CTIF: variants seen among roughly 807,000 people sequenced by gnomAD.
The protein encoded by CTIF is CBP80/20-dependent translation initiation factor.
In CTIF, 21 loss-of-function variants were observed where a neutral mutation model predicts 66.0. The ratio of observed to expected loss-of-function variants is 0.32; its 90% CI spans 0.23 to 0.46. The LOEUF (loss-of-function observed/expected upper bound fraction) is 0.46, where lower values mean the gene tolerates loss of function less well. CTIF is among the 20% of genes least tolerant of loss of function. The pLI, the probability that CTIF is intolerant of heterozygous loss-of-function variation, is 1.00. For synonymous variants in CTIF, 345 were observed against 326.4 expected (o/e 1.06, Z -0.62); for missense variants, 739 against 812.7 (o/e 0.91, Z 1.10).
At chr18:48,695,010 G>C (rs1434503339) in intron 6 of CTIF, among the ~76,000 whole-genome samples, 1 of 152,178 alleles carries the variant, frequency 6.6e-6, no homozygotes, top group African/African-American at 2.4e-5. Context: ...AGTTCCTCAT[G>C]CTTTTTAAAT....
chr18:48,681,625 C>T (rs563001253), intron 6 of CTIF, among the ~76,000 whole-genome samples: 2 of 152,226 alleles, frequency 1.3e-5, no homozygotes, highest in Non-Finnish European at 2.9e-5. Flanking sequence ...CCAGGGCCTG[C>T]TGGCACCCCC....
intron 10 of CTIF, among the ~76,000 whole-genome samples, chr18:48,850,424 A>T (rs1304173062): frequency 6.6e-6 from 1 of 152,164 alleles, no homozygotes; most frequent in Non-Finnish European, 1.5e-5. Context: ...AACATACATA[A>T]ATGAGAGAGC....
At chr18:48,782,314 G>A (rs574904212) in intron 9 of CTIF, among the ~76,000 whole-genome samples, 1 of 152,218 alleles carries the variant, frequency 6.6e-6, no homozygotes, top group South Asian at 2.1e-4. Context: ...AAGCTCCAGG[G>A]CCCCTGCCTG....
chr18:48,662,607 C>G (rs2091365319), intron 3 of CTIF: 1 of 151,284 alleles, frequency 6.6e-6, no homozygotes, highest in African/African-American at 2.4e-5. Flanking sequence ...GACTGTCCAG[C>G]CTTCCCGGTT....
chr18:48,655,667 G>T (rs895808500), intron 3 of CTIF, among the ~76,000 whole-genome samples: 1 of 152,150 alleles, frequency 6.6e-6, no homozygotes, highest in African/African-American at 2.4e-5. Context: ...GTATCAGGGG[G>T]TTTCCATTCA....
intron 6 of CTIF, among the ~76,000 whole-genome samples, chr18:48,691,873 CTGCCATT>C (rs1416171352): frequency 6.6e-6 from 1 of 152,144 alleles, no homozygotes; most frequent in Non-Finnish European, 1.5e-5. Flanking sequence ...TCCTATTTAC[CTGCCATT>C]TTATCCTTTT....
At chr18:48,705,438 A>G (rs954663702) in intron 6 of CTIF, among the ~76,000 whole-genome samples, 5 of 152,198 alleles carry the variant, frequency 3.3e-5, no homozygotes, top group African/African-American at 1.2e-4. Flanking sequence ...GCCCAACTAA[A>G]TCCCACAGGA....
At chr18:48,774,466 C>T (rs920691605) in intron 9 of CTIF, among the ~76,000 whole-genome samples, 2 of 152,192 alleles carry the variant, frequency 1.3e-5, no homozygotes, top group African/African-American at 2.4e-5. Context: ...GGAAAAACAG[C>T]GGCCTCTTTG....
rs576228335 is a variant in CTIF at position 48,775,862 on chromosome 18, C to T, written c.1371+14173C>T. ...GGGGAAGGAGGTACCGCCAGCCTGG[C>T]GGAGGGTGTCAATCAGCAAGCCCAG... On this transcript the variant is annotated intron_variant, in intron 9 of 11. Transcript: ENST00000256413. Among the ~76,000 whole-genome samples the T allele has an allele frequency of 9.8e-5, 15 of 152,292 alleles. No homozygotes were observed. The South Asian group carries it at 1.0e-3, about 11-fold the overall frequency.
intron 7 of CTIF, among the ~76,000 whole-genome samples, chr18:48,715,819 T>C (rs978087347): frequency 6.6e-6 from 1 of 152,200 alleles, no homozygotes; most frequent in African/African-American, 2.4e-5. Context: ...GGAAGTGGTA[T>C]CAGCAGAGAG....
intron 6 of CTIF, chr18:48,692,475 CTT>C (rs1385077028): frequency 1.3e-5 from 2 of 152,116 alleles, no homozygotes; most frequent in Non-Finnish European, 2.9e-5. Flanking sequence ...ACTTCCCCCT[CTT>C]TGTAAGAAGT....
At chr18:48,638,013 C>T (rs1432797687) in intron 3 of CTIF, among the ~76,000 whole-genome samples, 4 of 152,076 alleles carry the variant, frequency 2.6e-5, no homozygotes, top group African/African-American at 7.2e-5. Context: ...CCTCCCCATA[C>T]GGCACTGCTA....
At chr18:48,649,466 G>C (rs12051938) in intron 3 of CTIF, among the ~76,000 whole-genome samples, 4 of 152,256 alleles carry the variant, frequency 2.6e-5, no homozygotes, top group African/African-American at 9.6e-5. Flanking sequence ...GAACTGGGCA[G>C]AGCCAACCAT....
chr18:48,812,144 A>T (rs750707788), intron 9 of CTIF, among the ~76,000 whole-genome samples: 41 of 152,172 alleles, frequency 2.7e-4, no homozygotes, highest in Admixed American at 2.0e-3. Context: ...TTATATTTTT[A>T]GTAGAGGCGG....
intron 6 of CTIF, among the ~76,000 whole-genome samples, chr18:48,695,234 T>C (rs536702703): frequency 2.0e-5 from 3 of 152,242 alleles, no homozygotes; most frequent in Admixed American, 6.5e-5. Flanking sequence ...CCCACCACAA[T>C]TGGGGCTAAC....
chr18:48,630,265 C>T (rs886385347), intron 2 of CTIF, among the ~76,000 whole-genome samples: 2 of 150,182 alleles, frequency 1.3e-5, no homozygotes, highest in African/African-American at 4.8e-5. Context: ...CAGGCATCCA[C>T]TAGGGAATCT....
intron 1 of CTIF, among the ~76,000 whole-genome samples, chr18:48,569,174 T>C (rs2089353842): frequency 2.0e-5 from 3 of 152,246 alleles, no homozygotes; most frequent in African/African-American, 4.8e-5. Context: ...GATGCAGTCA[T>C]GTTCTGAAGT....
chr18:48,862,969 T>G lies in CTIF; in HGVS notation c.*3410T>G, dbSNP rs2069510399. 1 of 152,218 alleles carries G rather than the reference T, an allele frequency of 6.6e-6. No individual in the cohort carries two copies. The highest frequency in any genetic ancestry group is 1.5e-5 in the Non-Finnish European group (1 of 68,082). The allele number at this position is 152,218 out of a possible 1,614,324, so 9.4% of individuals were successfully genotyped here. A position where few individuals can be genotyped will look rare whatever the true frequency, so the allele number is the denominator to read the frequency against. ...TTGGCTGGGCCTTTGAGGACACAGA[T>G]CAGAAGAAAGAAAGACAACTTTCCT... On this transcript the variant is annotated 3_prime_UTR_variant, in exon 12 of 12. Coordinates refer to ENST00000256413, the MANE Select transcript of CTIF (RefSeq NM_014772.3).
chr18:48,686,200 A>G (rs746360983), intron 6 of CTIF, among the ~76,000 whole-genome samples: 4 of 151,346 alleles, frequency 2.6e-5, no homozygotes, highest in African/African-American at 4.9e-5. Flanking sequence ...TTCCTTCTCT[A>G]TTTTTCTTTT....
Sources: gnomAD v4.1 joint callset for allele counts (sites outside exome capture counted in the v4.1 genomes callset) on GRCh38, gnomAD v4.1.1 for gene constraint, MANE v1.5 for transcripts, NCBI Gene and HGNC (gene_info 2026-07-23, HGNC 2026-07-21) for gene names.